YTHDF2: variants seen among roughly 807,000 people sequenced by gnomAD.
YTHDF2 encodes the protein YTH N6-methyladenosine RNA binding protein F2.
Under a neutral mutation model 50.4 loss-of-function variants are expected in YTHDF2, and 2 were observed. The ratio of observed to expected loss-of-function variants is 0.04; its 90% confidence interval spans 0.02 to 0.12. The LOEUF (loss-of-function observed/expected upper bound fraction) is 0.12, where lower values mean the gene tolerates loss of function less well. Ranked by LOEUF, YTHDF2 falls within the 10% of genes least tolerant of loss-of-function variation. YTHDF2 has a pLI of 1.00. For missense variants in YTHDF2, 483 were observed against 722.6 expected, an observed-to-expected ratio of 0.67 and a Z score of 3.80; for synonymous variants, 217 against 255.6, an observed-to-expected ratio of 0.85 and a Z score of 1.44.
chr1:28,750,299 T>A (rs1159482544), intron 4 of YTHDF2, among the ~76,000 whole-genome samples: 1 of 152,176 alleles, frequency 6.6e-6, no homozygotes, highest in African/African-American at 2.4e-5. Flanking sequence ...CAAATTTTTT[T>A]AAGACTAGAT....
At position 28,737,099 on chromosome 1, in the gene YTHDF2, C is replaced by A. The variant is rs765817757; in HGVS notation, c.-22C>A. The A allele has an allele frequency of 6.3e-7, 1 of 1,593,382 alleles. No homozygotes were observed. Among genetic ancestry groups the A allele is most frequent in the South Asian group, 1.1e-5 (1 of 88,350 alleles). The stretch of plus-strand genomic sequence containing the variant: ...GCTGAGGAGAGTTCGCCGCCGTCGC[C>A]GCCCGTGAGGATCTGAGAGCCATGT... On this transcript the variant is annotated 5_prime_UTR_variant, in exon 1 of 5. Transcript: ENST00000373812.
At chr1:28,768,879 G>A (rs1553146567) in intron 4 of YTHDF2, 50 bp from the exon 5 acceptor site, 2 of 1,463,458 alleles carry the variant, frequency 1.4e-6, no homozygotes, top group South Asian at 2.6e-5. Context: ...AATTCATAAA[G>A]CATGTTCAGA....
intron 4 of YTHDF2, among the ~76,000 whole-genome samples, chr1:28,767,531 T>TA (rs1180408108): frequency 5.9e-5 from 9 of 152,068 alleles, no homozygotes; most frequent in Admixed American, 3.3e-4. Context: ...TTTTTTGAGA[T>TA]AGAGTCTCGC....
At chr1:28,746,592 A>AC (rs761487072) in intron 4 of YTHDF2, among the ~76,000 whole-genome samples, 6 of 109,692 alleles carry the variant, frequency 5.5e-5, no homozygotes, top group Non-Finnish European at 1.2e-4. Flanking sequence ...TAAAAATACT[A>AC]CAAAAAAAAA....
chr1:28,750,864 G>C (rs972697119), intron 4 of YTHDF2, among the ~76,000 whole-genome samples: 3 of 151,856 alleles, frequency 2.0e-5, no homozygotes, highest in Non-Finnish European at 4.4e-5. Context: ...AGGCTGAGAT[G>C]AGCACATCAC....
chr1:28,760,882 A>G (rs2448895), intron 4 of YTHDF2, among the ~76,000 whole-genome samples: 97,219 of 152,030 alleles, frequency 0.64, 32,988 homozygotes, highest in African/African-American at 0.85. Flanking sequence ...GCCTGGCCGA[A>G]TTTGTTATTA....
At chr1:28,753,464 C>G (rs1311695175) in intron 4 of YTHDF2, among the ~76,000 whole-genome samples, 4 of 145,942 alleles carry the variant, frequency 2.7e-5, no homozygotes, top group African/African-American at 1.0e-4. Flanking sequence ...AGGAGGATTG[C>G]TTGAGCCCGG....
intron 4 of YTHDF2, among the ~76,000 whole-genome samples, chr1:28,744,711 C>T (rs1166252568): frequency 6.6e-6 from 1 of 152,094 alleles, no homozygotes; most frequent in Non-Finnish European, 1.5e-5. Context: ...CTCTGTTGCC[C>T]AGGCTGGAGT....
chr1:28,763,603 G>A (rs2088166711), intron 4 of YTHDF2, among the ~76,000 whole-genome samples: 1 of 152,098 alleles, frequency 6.6e-6, no homozygotes, highest in African/African-American at 2.4e-5. Context: ...CTACAGGTGT[G>A]TGCCACCATG....
chr1:28,737,962 C>G (rs566095787), intron 2 of YTHDF2: 3 of 572,014 alleles, frequency 5.2e-6, no homozygotes, highest in Non-Finnish European at 6.2e-6. Flanking sequence ...TGTTTTTCAT[C>G]CTCGTGGATC....
intron 4 of YTHDF2, among the ~76,000 whole-genome samples, chr1:28,765,094 C>T (rs1033032733): frequency 1.3e-5 from 2 of 152,012 alleles, no homozygotes; most frequent in Non-Finnish European, 2.9e-5. Context: ...GGTGCAATCT[C>T]GGCTCACTGC....
intron 4 of YTHDF2, among the ~76,000 whole-genome samples, chr1:28,747,415 C>G (rs1401286667): frequency 6.7e-6 from 1 of 148,888 alleles, no homozygotes; most frequent in African/African-American, 2.5e-5. Context: ...ACTAAAAATA[C>G]AAAAATTAGC....
At chr1:28,752,744 T>C (rs1346520199) in intron 4 of YTHDF2, among the ~76,000 whole-genome samples, 1 of 149,454 alleles carries the variant, frequency 6.7e-6, no homozygotes, top group African/African-American at 2.4e-5. Context: ...ACATTTTTTT[T>C]CAATAACACA....
chr1:28,741,615 C>T (rs1468711747), intron 3 of YTHDF2, among the ~76,000 whole-genome samples: 1 of 152,148 alleles, frequency 6.6e-6, no homozygotes, highest in Non-Finnish European at 1.5e-5. Flanking sequence ...TTTACATCCT[C>T]CAGAAACCAC....
intron 4 of YTHDF2, among the ~76,000 whole-genome samples, 161 bp downstream of exon 4, chr1:28,744,147 C>G (rs34929894): frequency 6.6e-6 from 1 of 152,008 alleles, no homozygotes. Context: ...AATACTTGAA[C>G]CCTAATGTGA....
chr1:28,750,653 G>GGCCA (rs1372691993), intron 4 of YTHDF2, among the ~76,000 whole-genome samples: 15 of 152,242 alleles, frequency 9.9e-5, no homozygotes, highest in Non-Finnish European at 1.2e-4. Flanking sequence ...AACGGACTGA[G>GGCCA]GCCAGAAAGC....
chr1:28,737,020 G>A lies in YTHDF2; in HGVS notation c.-101G>A, dbSNP rs2087698174. 1.4e-5 allele frequency: 21 copies of A among 1,479,282 alleles called. No homozygotes were observed. The highest frequency in any genetic ancestry group is 8.5e-5 in the South Asian group (7 of 82,148). 91.6% of individuals were successfully genotyped at this position (1,479,282 alleles called of 1,614,324 possible). A position where few individuals can be genotyped will look rare whatever the true frequency, so the allele number is the denominator to read the frequency against. On this transcript the variant is annotated 5_prime_UTR_variant, in exon 1 of 5. Transcript: ENST00000373812. ...TCCGCCGAGGCCCCCGAGTGTCAGG[G>A]ACAAAAGCCTCCGCCTGCTCCCGCA... is the stretch of plus-strand genomic sequence containing the variant.
At chr1:28,740,289 T>C (rs922055572) in intron 3 of YTHDF2, 2 of 152,212 alleles carry the variant, frequency 1.3e-5, no homozygotes, top group African/African-American at 4.8e-5. Flanking sequence ...CATTGTGTAA[T>C]TCAAATTTTT....
intron 4 of YTHDF2, among the ~76,000 whole-genome samples, chr1:28,761,902 T>A (rs969373305): frequency 1.3e-5 from 2 of 152,188 alleles, no homozygotes; most frequent in Admixed American, 6.5e-5. Context: ...TGAAAAATAC[T>A]TTGTCTCTTT....
Sources: gnomAD v4.1 joint callset for allele counts (sites outside exome capture counted in the v4.1 genomes callset) on GRCh38, gnomAD v4.1.1 for gene constraint, MANE v1.5 for transcripts, NCBI Gene and HGNC (gene_info 2026-07-23, HGNC 2026-07-21) for gene names.